The following CMIP variants were observed in gnomAD, a reference collection of about 807,000 sequenced individuals.
The protein encoded by CMIP is C-Maf-inducing protein.
Under a neutral mutation model 97.3 loss-of-function variants are expected in CMIP, and 13 were observed. That is an observed-to-expected ratio of 0.13 (90% CI 0.09 to 0.21). The LOEUF is 0.21. Among genes scored for constraint, CMIP ranks in the 10% least tolerant of loss-of-function variants. The pLI is 1.00. For synonymous variants in CMIP, 538 were observed against 436.3 expected (o/e 1.23, Z -2.91); for missense variants, 847 against 1,024.9 (o/e 0.83, Z 2.37).
chr16:81,634,098 T>C (rs1444007786), intron 3 of CMIP, among the ~76,000 whole-genome samples: 1 of 152,194 alleles, frequency 6.6e-6, no homozygotes, highest in Non-Finnish European at 1.5e-5. Context: ...ATGCCAGTCT[T>C]CAGTTTCACA....
intron 2 of CMIP, among the ~76,000 whole-genome samples, chr16:81,615,354 ATG>A (rs2091899711): frequency 2.0e-5 from 2 of 99,026 alleles, no homozygotes; most frequent in South Asian, 6.8e-4. Context: ...TGTGTGTGGT[ATG>A]TGTGCATGTG....
intron 1 of CMIP, among the ~76,000 whole-genome samples, chr16:81,532,150 G>A (rs924364929): frequency 7.2e-5 from 11 of 152,206 alleles, no homozygotes; most frequent in Non-Finnish European, 1.3e-4. Context: ...GCCCAGGTCC[G>A]AAGTGTTTCC....
intron 2 of CMIP, among the ~76,000 whole-genome samples, chr16:81,611,882 G>A (rs2091837746): frequency 6.6e-6 from 1 of 152,258 alleles, no homozygotes; most frequent in African/African-American, 2.4e-5. Context: ...CCCCAGCTCA[G>A]AGACAGAGCA....
intron 15 of CMIP, 51 bp from the exon 16 acceptor site, chr16:81,701,609 G>C (rs1162468593): frequency 6.2e-7 from 1 of 1,612,800 alleles, no homozygotes; most frequent in Non-Finnish European, 8.5e-7. Context: ...AGAGTGTGCT[G>C]AGCTAGGGTG....
At chr16:81,559,623 T>C (rs2090836921) in intron 1 of CMIP, among the ~76,000 whole-genome samples, 1 of 152,008 alleles carries the variant, frequency 6.6e-6, no homozygotes, top group Non-Finnish European at 1.5e-5. Flanking sequence ...AATGCATTGC[T>C]CAGGTGTTGG....
intron 1 of CMIP, among the ~76,000 whole-genome samples, chr16:81,523,735 T>C (rs552298185): frequency 2.5e-4 from 38 of 152,334 alleles, no homozygotes; most frequent in Non-Finnish European, 4.3e-4. Context: ...TCCAACCACC[T>C]CGTAGCCCCT....
Position 81,453,527 on chromosome 16 carries a change from G to A in CMIP, c.300+7986G>A, listed in dbSNP as rs2150731228. On this transcript the variant is annotated intron_variant, in intron 1 of 20. Coordinates refer to ENST00000537098, the MANE Select transcript of CMIP (RefSeq NM_198390.3). The surrounding 1 kb of genome is among the most constrained non-coding windows in gnomAD (Gnocchi z 4.0). Reference sequence around the variant, plus strand: ...GGAGCACACAGTCTGAGCAGACCCAGGCCTGGCTCTCCTCCCTCGCATGTT... The same window carrying A: ...GGAGCACACAGTCTGAGCAGACCCAAGCCTGGCTCTCCTCCCTCGCATGTT... 6.6e-6 allele frequency among the ~76,000 whole-genome samples: 1 copy of A among 152,334 alleles called. No homozygotes were observed. Among genetic ancestry groups the A allele is most frequent in the South Asian group, 2.1e-4 (1 of 4,830 alleles).
In CMIP at chr16:81,484,983, C is replaced by T. The variant is rs147744223; in HGVS notation, c.300+39442C>T. 3.5e-3 allele frequency among the ~76,000 whole-genome samples: 534 copies of T among 151,984 alleles called. 4 individuals are homozygous for T. The highest frequency in any genetic ancestry group is 0.012 in the African/African-American group (498 of 41,428). ...TTTTTCTGTCCAAGGCTTTCTTGGG[C>T]GAGTTTAGAGCAGCAGTTTCCAACT... On this transcript the variant is annotated intron_variant, in intron 1 of 20. Coordinates refer to ENST00000537098, the MANE Select transcript of CMIP (RefSeq NM_198390.3).
At chr16:81,455,367 A>G (rs1043576958) in intron 1 of CMIP, among the ~76,000 whole-genome samples, 3 of 152,252 alleles carry the variant, frequency 2.0e-5, no homozygotes, top group African/African-American at 7.2e-5. Context: ...CGATGGGGAC[A>G]CTGAGGCACT....
At chr16:81,559,692 G>A (rs1468368289) in intron 1 of CMIP, among the ~76,000 whole-genome samples, 2 of 152,238 alleles carry the variant, frequency 1.3e-5, no homozygotes, top group African/African-American at 4.8e-5. Context: ...AGCACCTACA[G>A]TATGCACAGT....
intron 14 of CMIP, 47 bp downstream of exon 14, chr16:81,696,714 T>C (rs1228184804): frequency 7.1e-6 from 11 of 1,550,156 alleles, no homozygotes; most frequent in Non-Finnish European, 9.6e-6. Context: ...GTCCCTGGGC[T>C]TGCCATGCCT....
chr16:81,600,493 C>T (rs139141248), intron 1 of CMIP, among the ~76,000 whole-genome samples: 174 of 152,210 alleles, frequency 1.1e-3, no homozygotes, highest in African/African-American at 3.8e-3. Context: ...GCACAAACAG[C>T]CACAAAGTAT....
chr16:81,596,506 CA>C (rs1164896590), intron 1 of CMIP, among the ~76,000 whole-genome samples: 909 of 88,964 alleles, frequency 0.01, 4 homozygotes, highest in East Asian at 0.043. Flanking sequence ...GGCCCTGTCT[CA>C]AAAAAAAAAA....
intron 1 of CMIP, among the ~76,000 whole-genome samples, chr16:81,481,462 T>G (rs902974021): frequency 6.6e-6 from 1 of 152,222 alleles, no homozygotes; most frequent in Admixed American, 6.5e-5. Flanking sequence ...TGTGAGCTGA[T>G]GGCTTCAGAG....
intron 3 of CMIP, among the ~76,000 whole-genome samples, chr16:81,641,624 T>G (rs1240719290): frequency 6.6e-6 from 1 of 152,056 alleles, no homozygotes; most frequent in Non-Finnish European, 1.5e-5. Context: ...CCGCCTGAGT[T>G]CCCGCTGTTT....
intron 9 of CMIP, among the ~76,000 whole-genome samples, chr16:81,672,869 C>T (rs1239362435): frequency 2.0e-5 from 3 of 152,246 alleles, no homozygotes; most frequent in Non-Finnish European, 4.4e-5. Flanking sequence ...TGAGCCATTG[C>T]ATCTGTTTTT....
intron 1 of CMIP, among the ~76,000 whole-genome samples, chr16:81,564,143 G>C (rs1047919413): frequency 6.6e-6 from 1 of 152,236 alleles, no homozygotes; most frequent in East Asian, 1.9e-4. Context: ...GTGGAGCCCA[G>C]ATTTTAGTTG....
intron 3 of CMIP, among the ~76,000 whole-genome samples, chr16:81,644,829 G>A (rs1213956531): frequency 6.6e-6 from 1 of 152,170 alleles, no homozygotes; most frequent in African/African-American, 2.4e-5. Flanking sequence ...CAGTGAGATG[G>A]GGGCTTGGAG....
chr16:81,680,894 T>C (rs984277463), intron 10 of CMIP, among the ~76,000 whole-genome samples: 1 of 152,242 alleles, frequency 6.6e-6, no homozygotes, highest in Non-Finnish European at 1.5e-5. Flanking sequence ...GCCTGACTCC[T>C]ATTTCTCATT....
Sources: gnomAD v4.1 joint callset for allele counts (sites outside exome capture counted in the v4.1 genomes callset) on GRCh38, gnomAD v4.1.1 for gene constraint, Gnocchi (gnomAD v3.1) non-coding constraint, MANE v1.5 for transcripts, NCBI Gene and HGNC (gene_info 2026-07-23, HGNC 2026-07-21) for gene names.